The following MMP8 variants were observed in gnomAD, a reference collection of about 807,000 sequenced individuals.
The protein encoded by MMP8 is neutrophil collagenase.
MMP8 carries 67 observed loss-of-function variants against 51.2 expected under a neutral mutation model. The observed-to-expected ratio is 1.31, with a 90% CI of 1.08 to 1.60. MMP8 has a LOEUF of 1.60. Ranked by LOEUF, MMP8 falls within the 40% of genes most tolerant of loss-of-function variation. The probability of loss-of-function intolerance (pLI) is 0.00; values close to 1 mark genes in which losing one functional copy is unlikely to be tolerated. For missense variants in MMP8, 654 were observed against 558.1 expected (o/e 1.17, Z -1.73); for synonymous variants, 225 against 191.0 (o/e 1.18, Z -1.47).
At chr11:102,716,938 G>A (rs1285079385) in intron 5 of MMP8, among the ~76,000 whole-genome samples, 1 of 152,156 alleles carries the variant, frequency 6.6e-6, no homozygotes, top group Non-Finnish European at 1.5e-5. Flanking sequence ...AAACATTGGT[G>A]AACAAAATAA....
Position 102,721,688 on chromosome 11 carries a change from C to G in MMP8, c.422G>C (p.Ser141Thr). ...GGTGAAGATGAGAGGTGATGCAACA[C>G]TCCAGAGTTCAAAGGCATCCTTGAT... ...RAIKDAFELW[S>T]VASPLIFTRI... The change falls in exon 3 of 10, where the codon AGT (serine) becomes ACT (threonine). Residue 141 changes from serine (S) to threonine (T), a missense_variant. Physicochemically the swap from Ser to Thr is moderately conservative, Grantham distance 58. Coordinates refer to ENST00000236826, the MANE Select transcript of MMP8 (RefSeq NM_002424.3). The G allele has an allele frequency of 1.2e-6, 2 of 1,613,870 alleles. No individual in the cohort carries two copies. The highest frequency in any genetic ancestry group is 1.7e-4 in the Middle Eastern group (1 of 6,060).
Position 102,715,343 on chromosome 11 carries a change from A to C in MMP8, c.997T>G (p.Tyr333Asp), listed in dbSNP as rs1861258430. 6.2e-7 allele frequency: 1 copy of C among 1,613,128 alleles called. No individual in the cohort carries two copies. The highest frequency in any genetic ancestry group is 1.1e-5 in the South Asian group (1 of 90,934). ...ATGAGGTCTCTGTCAAAATCTTCAT[A>C]AGCAGCCTGTATACCAGTTGGAAGG... The part of the protein sequence containing the change: ...PSLPTGIQAA[Y>D]EDFDRDLIFL... Residue 333 changes from tyrosine to aspartate, a missense_variant, in exon 7 of 10, where the codon TAT (tyrosine) becomes GAT (aspartate). Physicochemically the swap from Tyr to Asp is radical, Grantham distance 160. Coordinates refer to ENST00000236826, the MANE Select transcript of MMP8 (RefSeq NM_002424.3).
intron 1 of MMP8, chr11:102,723,111 G>C: frequency 8.3e-7 from 1 of 1,205,804 alleles, no homozygotes; most frequent in Non-Finnish European, 1.1e-6. Context: ...GAGAATTAAG[G>C]AATTTTCCAA....
intron 4 of MMP8, among the ~76,000 whole-genome samples, chr11:102,718,858 G>C (rs1861386595): frequency 6.6e-6 from 1 of 152,184 alleles, no homozygotes; most frequent in Non-Finnish European, 1.5e-5. Context: ...ATGTGCATCT[G>C]AGACTTGGAG....
chr11:102,715,043 A>G (rs914798036), intron 7 of MMP8, among the ~76,000 whole-genome samples: 18 of 151,990 alleles, frequency 1.2e-4, no homozygotes, highest in African/African-American at 4.4e-4. Flanking sequence ...TGTATCTGGG[A>G]TGAGGATGAA....
intron 5 of MMP8, among the ~76,000 whole-genome samples, chr11:102,717,936 C>A (rs1861346865): frequency 6.6e-6 from 1 of 152,062 alleles, no homozygotes; most frequent in East Asian, 1.9e-4. Context: ...GTGAAATCAC[C>A]TCTCTACTGA....
Position 102,713,738 on chromosome 11 carries a change from T to G in MMP8, c.1294+16A>C, listed in dbSNP as rs761040707. 63 of 1,579,224 alleles carry G rather than the reference T, an allele frequency of 4.0e-5. No individual in the cohort carries two copies. The highest frequency in any genetic ancestry group is 5.2e-5 in the Non-Finnish European group (60 of 1,158,152). On this transcript the variant is annotated intron_variant, in intron 9 of 9. Coordinates refer to ENST00000236826, the MANE Select transcript of MMP8 (RefSeq NM_002424.3). ...AAACAAACAACACATTTATTAGGTTTTTTTTTCCTACTTACGTTCTTGCTG... is the reference window on the plus strand; with the variant it reads ...AAACAAACAACACATTTATTAGGTTGTTTTTTCCTACTTACGTTCTTGCTG...
chr11:102,723,987 G>A, intron 1 of MMP8: 1 of 240,544 alleles, frequency 4.2e-6, no homozygotes, highest in Non-Finnish European at 9.1e-6. Flanking sequence ...TTCTTGTGAG[G>A]ATTAAATGAG....
intron 4 of MMP8, 87 bp downstream of exon 4, chr11:102,721,313 CT>C: frequency 4.0e-6 from 5 of 1,261,392 alleles, no homozygotes; most frequent in Non-Finnish European, 5.2e-6. Context: ...ATTATGTTAC[CT>C]TTATTGTGTG....
chr11:102,724,588 T>G (rs993522526), intron 1 of MMP8, among the ~76,000 whole-genome samples, 166 bp downstream of exon 1: 11 of 152,324 alleles, frequency 7.2e-5, no homozygotes, highest in Non-Finnish European at 2.9e-5. Context: ...AAAGGCCTAG[T>G]CCTTACCAGC....
chr11:102,715,953 A>G (rs982313219), intron 6 of MMP8, among the ~76,000 whole-genome samples: 14 of 152,068 alleles, frequency 9.2e-5, no homozygotes, highest in African/African-American at 3.4e-4. Context: ...GTTCCCAAGC[A>G]GCTGTAGCCC....
At position 102,715,371 on chromosome 11, in the gene MMP8, T is replaced by A. The variant is rs761971203; in HGVS notation, c.969A>T (p.Pro323=). 2 of 1,613,728 alleles carry A rather than the reference T, an allele frequency of 1.2e-6. No individual in the cohort carries two copies. Among genetic ancestry groups the A allele is most frequent in the Admixed American group, 1.7e-5 (1 of 59,936 alleles). The part of the protein sequence containing the change: ...VEMNFISLFW[P]SLPTGIQAAY... ...CAGCCTGTATACCAGTTGGAAGGGA[T>A]GGCCAGAATAGAGAAATAAAATTCA... The change falls in exon 7 of 10, where the codon CCA becomes CCT. Residue 323 remains proline (P), a synonymous_variant. Transcript: ENST00000236826.
In MMP8 at chr11:102,721,117, T is replaced by C. The variant is rs112576220; in HGVS notation, c.622+284A>G. Reference sequence around the variant, plus strand: ...GTGGCCCTGTTTCAATAAAACTTTATTTATACAGACAGGGGTCAGGCAGGA... The same window carrying C: ...GTGGCCCTGTTTCAATAAAACTTTACTTATACAGACAGGGGTCAGGCAGGA... On this transcript the variant is annotated intron_variant, in intron 4 of 9. Transcript: ENST00000236826. 8.1e-3 allele frequency among the ~76,000 whole-genome samples: 1,236 copies of C among 152,332 alleles called. 23 individuals carry two copies. The highest frequency in any genetic ancestry group is 0.028 in the African/African-American group (1,179 of 41,576).
At chr11:102,718,110 C>A (rs940711593) in intron 5 of MMP8, among the ~76,000 whole-genome samples, 1 of 149,072 alleles carries the variant, frequency 6.7e-6, no homozygotes, top group East Asian at 1.9e-4. Flanking sequence ...CCATCCCCCC[C>A]CCCAAAAAAA....
chr11:102,724,480 A>G (rs1307170003), intron 1 of MMP8, among the ~76,000 whole-genome samples: 1 of 152,148 alleles, frequency 6.6e-6, no homozygotes, highest in Non-Finnish European at 1.5e-5. Flanking sequence ...TATAAATAAA[A>G]CCATTTCTTC....
chr11:102,715,841 G>T (rs767382497), intron 6 of MMP8, among the ~76,000 whole-genome samples: 5 of 152,108 alleles, frequency 3.3e-5, no homozygotes, highest in Non-Finnish European at 7.4e-5. Context: ...TAAAAATTTC[G>T]CTCAGTTTGA....
In MMP8 at chr11:102,714,221, T is replaced by C. The variant is rs577012820; in HGVS notation, c.1190+335A>G. Among the ~76,000 whole-genome samples the C allele has an allele frequency of 4.6e-5, 7 of 152,334 alleles. No homozygotes were observed. The South Asian group carries it at 8.3e-4, about 18-fold the overall frequency. On this transcript the variant is annotated intron_variant, in intron 8 of 9. Transcript: ENST00000236826. Reference sequence around the variant, plus strand: ...CTTGGGAACCAAATTCTGCAGGCTATCTGGATAACATTTGCTTGCATATGT... The same window carrying C: ...CTTGGGAACCAAATTCTGCAGGCTACCTGGATAACATTTGCTTGCATATGT...
At position 102,713,078 on chromosome 11, in the gene MMP8, T is replaced by A; in HGVS notation, c.*270A>T. 1 of 296,842 alleles carries A rather than the reference T, an allele frequency of 3.4e-6. No homozygotes were observed. The highest frequency in any genetic ancestry group is 6.3e-6 in the Non-Finnish European group (1 of 159,660). The allele number at this position is 296,842 out of a possible 1,614,324, so 18.4% of individuals were successfully genotyped here. A position where few individuals can be genotyped will look rare whatever the true frequency, so the allele number is the denominator to read the frequency against. ...GAAGTCAGATATGTAAGTATTGAAATAGTAAATATTGAGGTGACAAAAAGG... is the reference window on the plus strand; with the variant it reads ...GAAGTCAGATATGTAAGTATTGAAAAAGTAAATATTGAGGTGACAAAAAGG... On this transcript the variant is annotated 3_prime_UTR_variant, in exon 10 of 10. Coordinates refer to ENST00000236826, the MANE Select transcript of MMP8 (RefSeq NM_002424.3).
At chr11:102,715,555 C>A in intron 6 of MMP8, 118 bp from the exon 7 acceptor site, 1 of 1,334,304 alleles carries the variant, frequency 7.5e-7, no homozygotes, top group Non-Finnish European at 1.0e-6. Flanking sequence ...ATATAACAAT[C>A]GAACGAATGC....
Sources: gnomAD v4.1 joint callset for allele counts (sites outside exome capture counted in the v4.1 genomes callset) on GRCh38, gnomAD v4.1.1 for gene constraint, MANE v1.5 for transcripts, NCBI Gene and HGNC (gene_info 2026-07-23, HGNC 2026-07-21) for gene names.